Variants in CDK14 observed in about 807,000 individuals in gnomAD.
CDK14 encodes cyclin dependent kinase 14.
Under a neutral mutation model 60.7 loss-of-function variants are expected in CDK14, and 34 were observed. The ratio of observed to expected loss-of-function variants is 0.56; its 90% CI spans 0.43 to 0.75. CDK14 has a LOEUF of 0.75. CDK14 is among the 30% of genes least tolerant of loss of function. CDK14 has a pLI of 0.00. For missense variants in CDK14, 482 were observed against 564.1 expected (o/e 0.85, Z 1.47); for synonymous variants, 197 against 203.7 (o/e 0.97, Z 0.28).
intron 5 of CDK14, among the ~76,000 whole-genome samples, chr7:90,832,637 A>G (rs1789949643): frequency 6.6e-6 from 1 of 152,224 alleles, no homozygotes; most frequent in Admixed American, 6.5e-5. Flanking sequence ...GGAAAAAATG[A>G]ACATATTGTT....
chr7:91,053,072 G>A (rs1047741812), intron 11 of CDK14, among the ~76,000 whole-genome samples: 2 of 152,066 alleles, frequency 1.3e-5, no homozygotes, highest in East Asian at 3.9e-4. Flanking sequence ...AACCAAACAG[G>A]TCCACACTTT....
chr7:90,917,491 T>C, intron 7 of CDK14, 110 bp from the exon 8 acceptor site: 1 of 961,948 alleles, frequency 1.0e-6, no homozygotes, highest in East Asian at 2.6e-5. Context: ...GAAAATTTGG[T>C]GATGGTTACC....
intron 10 of CDK14, among the ~76,000 whole-genome samples, chr7:91,036,423 C>A (rs1357318498): frequency 2.0e-5 from 3 of 152,148 alleles, no homozygotes; most frequent in Non-Finnish European, 4.4e-5. Context: ...GACCTGTGAA[C>A]AACACAACTT....
intron 14 of CDK14, among the ~76,000 whole-genome samples, chr7:91,184,244 G>A (rs947304461): frequency 9.0e-5 from 11 of 122,428 alleles, no homozygotes; most frequent in African/African-American, 3.1e-4. Context: ...TTGCGCCACC[G>A]CCGCACTTCC....
chr7:90,716,710 G>A (rs1779918407), intron 2 of CDK14, among the ~76,000 whole-genome samples: 1 of 152,038 alleles, frequency 6.6e-6, no homozygotes, highest in Non-Finnish European at 1.5e-5. Flanking sequence ...GAACTTTTGA[G>A]ATAAGTTTGA....
chr7:91,205,469 T>C (rs1802865789), intron 14 of CDK14, among the ~76,000 whole-genome samples: 1 of 152,206 alleles, frequency 6.6e-6, no homozygotes, highest in South Asian at 2.1e-4. Context: ...TCCATTTGTA[T>C]ATCTAGAACA....
intron 4 of CDK14, among the ~76,000 whole-genome samples, chr7:90,778,763 A>G (rs1420537110): frequency 6.6e-6 from 1 of 151,424 alleles, no homozygotes; most frequent in African/African-American, 2.4e-5. Flanking sequence ...AGGTTGTTCC[A>G]TCTGCCTGGA....
At chr7:90,777,576 C>G (rs1163097927) in intron 4 of CDK14, among the ~76,000 whole-genome samples, 1 of 152,194 alleles carries the variant, frequency 6.6e-6, no homozygotes, top group African/African-American at 2.4e-5. Flanking sequence ...ATTGTTGTTT[C>G]AAATCTCCTC....
intron 12 of CDK14, among the ~76,000 whole-genome samples, chr7:91,110,772 T>C (rs1665532580): frequency 6.6e-6 from 1 of 152,226 alleles, no homozygotes; most frequent in Non-Finnish European, 1.5e-5. Flanking sequence ...CTAATCTGGT[T>C]GTTCTATTTT....
chr7:90,706,431 A>G (rs1801897451), intron 2 of CDK14, among the ~76,000 whole-genome samples: 1 of 152,150 alleles, frequency 6.6e-6, no homozygotes, highest in Non-Finnish European at 1.5e-5. Flanking sequence ...CTTACTGTTT[A>G]TTTATTCAGC....
intron 14 of CDK14, among the ~76,000 whole-genome samples, chr7:91,120,394 G>A (rs1799745266): frequency 6.6e-6 from 1 of 152,146 alleles, no homozygotes; most frequent in Non-Finnish European, 1.5e-5. Flanking sequence ...TTACAAAAAT[G>A]TAAAAATGTA....
chr7:91,140,084 G>A (rs969817583), intron 14 of CDK14, among the ~76,000 whole-genome samples: 3 of 152,082 alleles, frequency 2.0e-5, no homozygotes, highest in Non-Finnish European at 2.9e-5. Flanking sequence ...TCTTTAGGAC[G>A]GGATGAAAGG....
At chr7:91,153,655 T>C (rs1800888718) in intron 14 of CDK14, among the ~76,000 whole-genome samples, 1 of 152,138 alleles carries the variant, frequency 6.6e-6, no homozygotes, top group Non-Finnish European at 1.5e-5. Context: ...CTGGATGTTC[T>C]TACTTACAAG....
intron 10 of CDK14, among the ~76,000 whole-genome samples, chr7:90,988,893 T>G (rs1040463143): frequency 6.6e-6 from 1 of 152,142 alleles, no homozygotes; most frequent in African/African-American, 2.4e-5. Context: ...ATAATGAAAT[T>G]TCATCCACTG....
intron 14 of CDK14, among the ~76,000 whole-genome samples, chr7:91,184,442 G>A (rs1299226858): frequency 1.3e-5 from 2 of 152,122 alleles, no homozygotes; most frequent in African/African-American, 2.4e-5. Context: ...ACCTGAGGAG[G>A]ACTAAGGAGG....
intron 14 of CDK14, among the ~76,000 whole-genome samples, chr7:91,168,958 A>G (rs1457516899): frequency 2.0e-5 from 3 of 152,176 alleles, no homozygotes; most frequent in African/African-American, 7.2e-5. Flanking sequence ...CATCTGCTTC[A>G]TACACATCTG....
chr7:90,726,538 G>A (rs1404273599), intron 2 of CDK14, 29 bp from the exon 3 acceptor site: 6 of 1,607,892 alleles, frequency 3.7e-6, no homozygotes, highest in Non-Finnish European at 5.1e-6. Context: ...GCAGTGAAGA[G>A]TTCTGAATTT....
At chr7:90,733,117 C>T (rs77898688) in intron 3 of CDK14, among the ~76,000 whole-genome samples, 1 of 152,158 alleles carries the variant, frequency 6.6e-6, no homozygotes, top group African/African-American at 2.4e-5. Flanking sequence ...CATTCGGGAG[C>T]AGGTTGTTCC....
rs575084517 is a variant in CDK14 at position 90,641,541 on chromosome 7, G to A, written c.123+37292G>A. 1.3e-4 allele frequency among the ~76,000 whole-genome samples: 20 copies of A among 152,218 alleles called. No individual in the cohort carries two copies. In the South Asian group the frequency reaches 2.7e-3, roughly 21 times the overall value. ...AGTCACAAAGGACCACATATTGTAT[G>A]ATTCTGTTTATATGAAATGTCCAAA... On this transcript the variant is annotated intron_variant, in intron 2 of 14. Transcript: ENST00000380050.
Sources: gnomAD v4.1 joint callset for allele counts (sites outside exome capture counted in the v4.1 genomes callset) on GRCh38, gnomAD v4.1.1 for gene constraint, MANE v1.5 for transcripts, NCBI Gene and HGNC (gene_info 2026-07-23, HGNC 2026-07-21) for gene names.